The following PDE1A variants were observed in gnomAD, a reference collection of about 807,000 sequenced individuals.
PDE1A encodes the protein phosphodiesterase 1A, also known as dual specificity calcium/calmodulin-dependent 3',5'-cyclic nucleotide phosphodiesterase 1A.
A neutral mutation model predicts 61.7 loss-of-function variants in PDE1A; 35 were observed. The observed-to-expected ratio is 0.57, with a 90% CI of 0.43 to 0.75. The LOEUF (loss-of-function observed/expected upper bound fraction) is 0.75. Ranked by LOEUF, PDE1A falls within the 30% of genes least tolerant of loss-of-function variation. The pLI, the probability that PDE1A is intolerant of heterozygous loss-of-function variation, is 0.00. For missense variants in PDE1A, 597 were observed against 630.6 expected (o/e 0.95, Z 0.57); for synonymous variants, 232 against 213.2 (o/e 1.09, Z -0.77).
chr2:182,314,185 C>G (rs898484457), intron 1 of PDE1A: 27 of 152,136 alleles, frequency 1.8e-4, no homozygotes, highest in Admixed American at 1.7e-3. Context: ...ACCAATACAG[C>G]AGAATACTAC....
downstream of PDE1A, among the ~76,000 whole-genome samples, chr2:182,162,927 T>G (rs1026633745): frequency 6.6e-6 from 1 of 152,150 alleles, no homozygotes; most frequent in Non-Finnish European, 1.5e-5. Context: ...GGGTGAAGAT[T>G]ATTATGATAG....
chr2:182,292,569 A>G (rs1694607334), intron 1 of PDE1A, among the ~76,000 whole-genome samples: 1 of 152,140 alleles, frequency 6.6e-6, no homozygotes, highest in South Asian at 2.1e-4. Context: ...CTTGTAGTAC[A>G]CTCAGAATCT....
At chr2:182,196,215 G>A (rs1686123124) in intron 10 of PDE1A, among the ~76,000 whole-genome samples, 1 of 151,944 alleles carries the variant, frequency 6.6e-6, no homozygotes, top group Non-Finnish European at 1.5e-5. Context: ...TTCTGAAGGG[G>A]ATTTGAAAAT....
intron 10 of PDE1A, 67 bp from the exon 11 acceptor site, chr2:182,189,127 A>T: frequency 2.1e-6 from 2 of 944,268 alleles, no homozygotes; most frequent in Non-Finnish European, 3.3e-6. Flanking sequence ...GCAACCTAAG[A>T]TATAAAGCCT....
chr2:182,290,069 A>G (rs1294310100), intron 1 of PDE1A, among the ~76,000 whole-genome samples: 1 of 152,114 alleles, frequency 6.6e-6, no homozygotes, highest in East Asian at 1.9e-4. Context: ...TGAAAAGTAA[A>G]TAACTGTCAA....
At chr2:182,280,276 A>G (rs1276117610) in intron 1 of PDE1A, among the ~76,000 whole-genome samples, 1 of 151,826 alleles carries the variant, frequency 6.6e-6, no homozygotes, top group Non-Finnish European at 1.5e-5. Context: ...TATGCTGGAA[A>G]CCTATCTTGG....
chr2:182,622,409 T>C, the PDE1A span, among the ~76,000 whole-genome samples: 3 of 152,078 alleles, frequency 2.0e-5, no homozygotes, highest in Admixed American at 2.0e-4. Context: ...GGTCAGAAAA[T>C]AAACACGAGA....
intron 2 of PDE1A, among the ~76,000 whole-genome samples, chr2:182,254,634 G>A (rs768994689): frequency 1.3e-5 from 2 of 152,106 alleles, no homozygotes; most frequent in African/African-American, 2.4e-5. Flanking sequence ...AGGGACTGGA[G>A]ACTTTATCTT....
At chr2:182,537,017 C>A in the PDE1A span, among the ~76,000 whole-genome samples, 1 of 152,188 alleles carries the variant, frequency 6.6e-6, no homozygotes, top group Non-Finnish European at 1.5e-5. Context: ...CCAGCCATAG[C>A]CGCTGCATGA....
chr2:182,435,850 T>C (rs997712889), intron 2 of PDE1A, among the ~76,000 whole-genome samples: 1 of 152,094 alleles, frequency 6.6e-6, no homozygotes, highest in Non-Finnish European at 1.5e-5. Context: ...TTAAGTCTGC[T>C]TAAGCTTTCA....
intron 7 of PDE1A, among the ~76,000 whole-genome samples, chr2:182,218,432 A>G (rs1688424329): frequency 6.7e-6 from 1 of 149,626 alleles, no homozygotes; most frequent in South Asian, 2.3e-4. Context: ...AAAATTAAAA[A>G]AACAAGAAAA....
chr2:182,645,494 T>C, the PDE1A span, among the ~76,000 whole-genome samples: 1 of 152,166 alleles, frequency 6.6e-6, no homozygotes, highest in African/African-American at 2.4e-5. Context: ...AACACATCAA[T>C]AACACTGGAG....
intron 2 of PDE1A, among the ~76,000 whole-genome samples, chr2:182,443,712 T>TC (rs1438266103): frequency 8.0e-5 from 12 of 149,330 alleles, no homozygotes; most frequent in South Asian, 2.1e-4. Flanking sequence ...TTTTTTTTTT[T>TC]TTTTTTTGGA....
chr2:182,238,300 G>GA (rs1357140742), intron 3 of PDE1A, among the ~76,000 whole-genome samples: 1 of 124,752 alleles, frequency 8.0e-6, no homozygotes. Context: ...AAAAAGAAAA[G>GA]AATGACAGGA....
At chr2:182,147,145 A>G (rs2125263330) in exon 14 of PDE1A, 1 of 1,583,506 alleles carries the variant, frequency 6.3e-7, no homozygotes, top group South Asian at 1.1e-5. Flanking sequence ...TATGAAGATC[A>G]GATTCACCTA....
At chr2:182,270,114 T>A (rs779014195) in intron 1 of PDE1A, among the ~76,000 whole-genome samples, 3 of 152,122 alleles carry the variant, frequency 2.0e-5, no homozygotes, top group Non-Finnish European at 4.4e-5. Flanking sequence ...CACACTTTGA[T>A]CTGCTTAGTT....
chr2:182,635,617 C>T, the PDE1A span, among the ~76,000 whole-genome samples: 1 of 151,886 alleles, frequency 6.6e-6, no homozygotes, highest in Non-Finnish European at 1.5e-5. Flanking sequence ...CCCACATCTT[C>T]GGTTGGCCAA....
chr2:182,440,789 G>GTT lies in PDE1A; in HGVS notation c.101+81485_101+81486dup, dbSNP rs11394200. ...TTTATTATACATTTAATTTTCATGG[G>GTT]TTTTTTTTTGCTTTATTTCTCTTCT... On this transcript the variant is annotated intron_variant, in intron 2 of 14. Transcript: ENST00000410103. Among the ~76,000 whole-genome samples the GTT allele has an allele frequency of 2.8e-3, 414 of 149,960 alleles. 1 individual carries two copies. The highest frequency in any genetic ancestry group is 7.0e-3 in the African/African-American group (287 of 40,908).
chr2:182,606,493 T>A, the PDE1A span, among the ~76,000 whole-genome samples: 1 of 152,226 alleles, frequency 6.6e-6, no homozygotes, highest in Admixed American at 6.5e-5. Flanking sequence ...AAGGTATTTA[T>A]ATAATGAAAA....
Sources: allele counts gnomAD v4.1 joint callset (sites outside exome capture counted in the v4.1 genomes callset), GRCh38; gene constraint gnomAD v4.1.1; transcripts MANE v1.5; gene names NCBI Gene and HGNC (gene_info 2026-07-23, HGNC 2026-07-21).